TGIF1: variants seen among roughly 807,000 people sequenced by gnomAD.
The protein encoded by TGIF1 is homeobox protein TGIF1.
A neutral mutation model predicts 19.3 loss-of-function variants in TGIF1; 4 were observed. The observed-to-expected ratio is 0.21, with a 90% CI of 0.10 to 0.47. TGIF1 has a LOEUF of 0.47. TGIF1 is among the 20% of genes least tolerant of loss of function. The pLI is 0.98. For missense variants in TGIF1, 275 were observed against 341.4 expected (o/e 0.81, Z 1.53); for synonymous variants, 122 against 129.3 (o/e 0.94, Z 0.38).
At position 3,450,423 on chromosome 18, in the gene TGIF1, C is replaced by T. The variant is rs2082867859; in HGVS notation, c.-67C>T. ...GCTGTGAAGGAGACGTTCGCTTATC[C>T]CCTGTGTCCCCGCTCCTGGCCCCTC... On this transcript the variant is annotated 5_prime_UTR_variant, in exon 1 of 3. Coordinates refer to ENST00000343820, the MANE Select transcript of TGIF1 (RefSeq NM_003244.4). 20 of 1,551,172 alleles carry T rather than the reference C, an allele frequency of 1.3e-5. No homozygotes were observed. In the Admixed American group the frequency reaches 2.9e-4, roughly 23 times the overall value.
At chr18:3,437,124 A>AT (rs2143217827) in intron 2 of TGIF1, among the ~76,000 whole-genome samples, 1 of 152,152 alleles carries the variant, frequency 6.6e-6, no homozygotes, top group African/African-American at 2.4e-5. Context: ...AATAATAATA[A>AT]AATAAAATAA....
intron 1 of TGIF1, chr18:3,412,307 TG>T (rs1293981965): frequency 2.6e-5 from 4 of 152,146 alleles, no homozygotes; most frequent in Non-Finnish European, 4.4e-5. Flanking sequence ...AGACTAAATT[TG>T]AGAGATAGAG....
At position 3,457,554 on chromosome 18, in the gene TGIF1, A is replaced by G. The variant is rs1459052854; in HGVS notation, c.433A>G (p.Thr145Ala). ...AGAGGAGACCCCATTTCATTCCTGT[A>G]CAGCTGGGCCAAACCCAACCCTAGG... ...ALEETPFHSC[T>A]AGPNPTLGRP... Residue 145 changes from threonine (T) to alanine (A), a missense_variant, in exon 3 of 3, where the codon ACA (threonine) becomes GCA (alanine). Coordinates refer to ENST00000343820, the MANE Select transcript of TGIF1 (RefSeq NM_003244.4). This position sits in a 1 kb window ranked among gnomAD's most constrained non-coding sequence, Gnocchi z 4.9. 3 of 1,614,210 alleles carry G rather than the reference A, an allele frequency of 1.9e-6. No individual in the cohort carries two copies. Among genetic ancestry groups the G allele is most frequent in the Admixed American group, 1.7e-5 (1 of 60,030 alleles).
chr18:3,430,571 T>C lies in TGIF1; in HGVS notation c.-45+12356T>C, dbSNP rs184291677. On this transcript the variant is annotated intron_variant, in intron 2 of 3. Coordinates refer to the TGIF1 transcript ENST00000401449. ...AGGCTGGGGTGCAGTGGTGTGATAT[T>C]AGTTCACTGCAGCCTCCACCTGACA... Among the ~76,000 whole-genome samples, 748 of 152,254 alleles carry C rather than the reference T, an allele frequency of 4.9e-3. 7 individuals carry two copies. The highest frequency in any genetic ancestry group is 0.02 in the South Asian group (96 of 4,826).
chr18:3,426,959 T>C (rs913800858), intron 2 of TGIF1, among the ~76,000 whole-genome samples: 6 of 149,596 alleles, frequency 4.0e-5, no homozygotes, highest in East Asian at 3.9e-4. Context: ...GTTTCACTCT[T>C]GTAGCCTAGG....
chr18:3,449,883 GC>G, upstream of TGIF1: 5 of 985,738 alleles, frequency 5.1e-6, no homozygotes, highest in Non-Finnish European at 6.0e-6. Context: ...GGGAAGAAAG[GC>G]CCAAGGGAGA....
intron 2 of TGIF1, among the ~76,000 whole-genome samples, chr18:3,430,671 ATTTTT>A (rs759165103): frequency 7.7e-6 from 1 of 130,378 alleles, no homozygotes; most frequent in Non-Finnish European, 1.7e-5. Flanking sequence ...CACCCGGCTA[ATTTTT>A]TTTTTTTTTT....
chr18:3,417,989 A>G (rs778944586), intron 1 of TGIF1, among the ~76,000 whole-genome samples: 1 of 152,172 alleles, frequency 6.6e-6, no homozygotes, highest in Non-Finnish European at 1.5e-5. Context: ...AGCTAAAAGC[A>G]GAGATACAAA....
chr18:3,452,606 T>TC (rs2083010681), intron 1 of TGIF1, among the ~76,000 whole-genome samples: 1 of 152,100 alleles, frequency 6.6e-6, no homozygotes, highest in Non-Finnish European at 1.5e-5. Flanking sequence ...CCGGCCTGTT[T>TC]CACTTGAGGC....
At chr18:3,453,911 C>A in intron 1 of TGIF1, 1 of 896,382 alleles carries the variant, frequency 1.1e-6, no homozygotes, top group African/African-American at 1.8e-5. Context: ...TTTTCAAAAG[C>A]GCTGTTACAA....
chr18:3,422,752 G>A (rs190254935), intron 2 of TGIF1, among the ~76,000 whole-genome samples: 12 of 141,950 alleles, frequency 8.5e-5, no homozygotes, highest in Non-Finnish European at 1.8e-4. Context: ...GTGCAGTGGC[G>A]TGATCTCCGC....
intron 2 of TGIF1, among the ~76,000 whole-genome samples, chr18:3,431,500 GT>G (rs2082546836): frequency 6.6e-6 from 1 of 151,842 alleles, no homozygotes; most frequent in Admixed American, 6.6e-5. Flanking sequence ...ATAAATAATA[GT>G]AATGGATTTT....
chr18:3,449,799 G>C (rs2082842522), upstream of TGIF1: 1 of 985,678 alleles, frequency 1.0e-6, no homozygotes, highest in Non-Finnish European at 1.2e-6. Flanking sequence ...CCCGGGGGTG[G>C]AGGAGGGAAG....
At chr18:3,430,051 G>A (rs989765641) in intron 2 of TGIF1, among the ~76,000 whole-genome samples, 2 of 152,228 alleles carry the variant, frequency 1.3e-5, no homozygotes, top group Non-Finnish European at 2.9e-5. Flanking sequence ...AGATACTCGG[G>A]AGGCTGAGGC....
At chr18:3,452,124 T>TC in intron 1 of TGIF1, 1 of 1,613,030 alleles carries the variant, frequency 6.2e-7, no homozygotes, top group Non-Finnish European at 8.5e-7. Context: ...TTTTCTGGCG[T>TC]CCCCCCGACT....
At chr18:3,455,655 G>A (rs1272030537) in intron 1 of TGIF1, 2 of 152,584 alleles carry the variant, frequency 1.3e-5, no homozygotes, top group Admixed American at 1.3e-4. Flanking sequence ...AAACATCAGT[G>A]GTCGTATTTA....
At chr18:3,416,932 AAAC>A (rs1036598462) in intron 1 of TGIF1, among the ~76,000 whole-genome samples, 5 of 152,124 alleles carry the variant, frequency 3.3e-5, no homozygotes, top group African/African-American at 1.2e-4. Context: ...CTTTGTATCA[AAAC>A]AACAACAACA....
intron 2 of TGIF1, among the ~76,000 whole-genome samples, chr18:3,431,216 G>T (rs1426935185): frequency 6.6e-6 from 1 of 152,200 alleles, no homozygotes; most frequent in Non-Finnish European, 1.5e-5. Context: ...GGAGGCCGAG[G>T]CAGGCGGATA....
rs983319248 is a variant in TGIF1, at chr18:3,458,108, T to G, written c.*168T>G. ...AATGGAATACAGTCATTCCAAGAAC[T>G]ATAAACTTAAAGCTACTGTAGAAAC... On this transcript the variant is annotated 3_prime_UTR_variant, in exon 3 of 3. Coordinates refer to ENST00000343820, the MANE Select transcript of TGIF1 (RefSeq NM_003244.4). 1 of 638,856 alleles carries G rather than the reference T, an allele frequency of 1.6e-6. No individual in the cohort carries two copies. Among genetic ancestry groups the G allele is most frequent in the Non-Finnish European group, 2.7e-6 (1 of 374,308 alleles). 39.6% of individuals were successfully genotyped at this position (638,856 alleles called of 1,614,324 possible). A position where few individuals can be genotyped will look rare whatever the true frequency, so the allele number is the denominator to read the frequency against.
Sources: gnomAD v4.1 joint callset for allele counts (sites outside exome capture counted in the v4.1 genomes callset) on GRCh38, gnomAD v4.1.1 for gene constraint, Gnocchi (gnomAD v3.1) non-coding constraint, MANE v1.5 for transcripts, NCBI Gene and HGNC (gene_info 2026-07-23, HGNC 2026-07-21) for gene names.